KMT2C: variants seen among roughly 807,000 people sequenced by gnomAD.
The protein encoded by KMT2C is histone-lysine N-methyltransferase 2C.
Under a neutral mutation model 507.9 loss-of-function variants are expected in KMT2C, and 88 were observed. The observed-to-expected ratio is 0.17, with a 90% CI of 0.15 to 0.21. The LOEUF (loss-of-function observed/expected upper bound fraction) is 0.21, where lower values mean the gene tolerates loss of function less well. KMT2C is among the 10% of genes least tolerant of loss of function. The probability of loss-of-function intolerance (pLI) is 1.00; values close to 1 mark genes in which losing one functional copy is unlikely to be tolerated. For missense variants in KMT2C, 4,954 were observed against 5,957.8 expected (o/e 0.83, Z 5.55); for synonymous variants, 2,049 against 2,080.8 (o/e 0.98, Z 0.42).
chr7:152,340,189 T>C (rs1187037171), intron 2 of KMT2C, among the ~76,000 whole-genome samples: 3 of 150,292 alleles, frequency 2.0e-5, no homozygotes, highest in Non-Finnish European at 4.4e-5. Flanking sequence ...GGATTAACTA[T>C]GTTGCCCAGG....
intron 14 of KMT2C, among the ~76,000 whole-genome samples, chr7:152,242,998 G>C (rs1330986439): frequency 6.6e-6 from 1 of 152,176 alleles, no homozygotes; most frequent in African/African-American, 2.4e-5. Context: ...ACTGGTAAAA[G>C]AAACAAAAGA....
intron 1 of KMT2C, chr7:152,368,328 G>A: frequency 1.7e-6 from 2 of 1,201,622 alleles, no homozygotes; most frequent in South Asian, 1.3e-5. Flanking sequence ...ATAACAACAA[G>A]AATAAAGGGC....
chr7:152,301,642 G>A (rs2096569894), intron 6 of KMT2C, among the ~76,000 whole-genome samples: 3 of 152,120 alleles, frequency 2.0e-5, no homozygotes, highest in South Asian at 2.1e-4. Context: ...AGCCATGATC[G>A]TGCCACTGCA....
In KMT2C at chr7:152,308,601, G is replaced by T. The variant is rs1213655157; in HGVS notation, c.849+1365C>A. Among the ~76,000 whole-genome samples, 10 of 145,454 alleles carry T rather than the reference G, an allele frequency of 6.9e-5. No individual in the cohort carries two copies. In the East Asian group the frequency reaches 2.1e-3, roughly 30 times the overall value. ...GAGGCGGCAGAATCACTTGAACCCA[G>T]GAAGCAGAGGTTGCAGTGAGCTGAG... On this transcript the variant is annotated intron_variant, in intron 6 of 58. Coordinates refer to ENST00000262189, the MANE Select transcript of KMT2C (RefSeq NM_170606.3).
intron 18 of KMT2C, among the ~76,000 whole-genome samples, 170 bp downstream of exon 18, chr7:152,229,753 C>G (rs1424382296): frequency 1.3e-5 from 2 of 151,916 alleles, no homozygotes; most frequent in African/African-American, 4.8e-5. Flanking sequence ...TATAGAGGAG[C>G]AAATTTCTTG....
intron 52 of KMT2C, 129 bp from the exon 53 acceptor site, chr7:152,146,864 A>G (rs1022047732): frequency 1.2e-6 from 1 of 855,796 alleles, no homozygotes; most frequent in East Asian, 2.7e-5. Context: ...CAATAATCTA[A>G]TAAATCTGTT....
intron 24 of KMT2C, among the ~76,000 whole-genome samples, chr7:152,206,987 A>T (rs540460884): frequency 9.3e-4 from 141 of 152,332 alleles, no homozygotes; most frequent in Non-Finnish European, 1.7e-3. Context: ...ATCCAGAGGA[A>T]CTATATAAAT....
intron 42 of KMT2C, among the ~76,000 whole-genome samples, chr7:152,166,241 C>T (rs2092722543): frequency 6.6e-6 from 1 of 151,782 alleles, no homozygotes. Flanking sequence ...CCTGCCTCAG[C>T]CTCCCAAATA....
In KMT2C at chr7:152,148,337, A is replaced by C; in HGVS notation, c.13590T>G (p.Asp4530Glu). 6.2e-7 allele frequency: 1 copy of C among 1,614,262 alleles called. No individual in the cohort carries two copies. The highest frequency in any genetic ancestry group is 8.5e-7 in the Non-Finnish European group (1 of 1,180,054). The change falls in exon 52 of 59, where the codon GAT (aspartate) becomes GAG (glutamate). Residue 4530 changes from aspartate (D) to glutamate (E), a missense_variant. Asp to Glu is a conservative substitution (Grantham distance 45). Coordinates refer to ENST00000262189, the MANE Select transcript of KMT2C (RefSeq NM_170606.3). This position sits in a 1 kb window ranked among gnomAD's most constrained non-coding sequence, Gnocchi z 7.1. Reference sequence around the variant, plus strand: ...CGATGCTAGCAATCTGTCGCACCTCATCACGCTGAACATAGACCCTCCTGA... The same window carrying C: ...CGATGCTAGCAATCTGTCGCACCTCCTCACGCTGAACATAGACCCTCCTGA... ...AVFRRVYVQR[D>E]EVRQIASIVQ...
At chr7:152,422,024 T>C (rs1266170995) in intron 1 of KMT2C, among the ~76,000 whole-genome samples, 1 of 152,138 alleles carries the variant, frequency 6.6e-6, no homozygotes, top group Non-Finnish European at 1.5e-5. Context: ...AATGAAAAGA[T>C]TACAAAAGTT....
At chr7:152,255,235 T>C (rs2095641768) in intron 9 of KMT2C, among the ~76,000 whole-genome samples, 1 of 149,514 alleles carries the variant, frequency 6.7e-6, no homozygotes, top group African/African-American at 2.5e-5. Flanking sequence ...AGCATGATCA[T>C]GGCTCACTGC....
intron 1 of KMT2C, among the ~76,000 whole-genome samples, chr7:152,383,588 A>G (rs2097394008): frequency 1.3e-5 from 2 of 152,262 alleles, no homozygotes; most frequent in South Asian, 4.1e-4. Context: ...CACAGAGCAT[A>G]CACTTAGATA....
chr7:152,307,195 G>GAGGAAGGGAGGAAGGA, intron 6 of KMT2C, among the ~76,000 whole-genome samples: 1 of 64,882 alleles, frequency 1.5e-5, no homozygotes, highest in Non-Finnish European at 3.1e-5. Context: ...AAAGAAGAGG[G>GAGGAAGGGAGGAAGGA]AGGAAGGAAG....
At chr7:152,143,934 C>T (rs1009618418) in intron 55 of KMT2C, among the ~76,000 whole-genome samples, 10 of 152,176 alleles carry the variant, frequency 6.6e-5, no homozygotes, top group Non-Finnish European at 1.3e-4. Context: ...GTGGTACAGG[C>T]AAGTGATATG....
chr7:152,423,968 AAT>A (rs969515535), intron 1 of KMT2C, among the ~76,000 whole-genome samples: 3 of 152,234 alleles, frequency 2.0e-5, no homozygotes, highest in Non-Finnish European at 4.4e-5. Context: ...TCCATTTTTA[AAT>A]ACTATTTAAA....
intron 9 of KMT2C, among the ~76,000 whole-genome samples, chr7:152,256,819 GC>G (rs2095669314): frequency 1.3e-5 from 2 of 152,014 alleles, no homozygotes; most frequent in African/African-American, 2.4e-5. Flanking sequence ...ACCACTTTTC[GC>G]CCAGAAGACA....
At chr7:152,206,053 C>T (rs546781363) in intron 24 of KMT2C, among the ~76,000 whole-genome samples, 9 of 152,260 alleles carry the variant, frequency 5.9e-5, no homozygotes, top group Middle Eastern at 6.8e-3. Flanking sequence ...ATTCTGCTTA[C>T]TAAATACTTC....
intron 6 of KMT2C, among the ~76,000 whole-genome samples, chr7:152,287,761 C>T (rs957766578): frequency 2.6e-5 from 4 of 152,090 alleles, no homozygotes; most frequent in South Asian, 2.1e-4. Context: ...CAGTGGCTCA[C>T]GCCTGCAATC....
intron 6 of KMT2C, among the ~76,000 whole-genome samples, chr7:152,275,466 T>C (rs2096065163): frequency 6.6e-6 from 1 of 152,158 alleles, no homozygotes; most frequent in Non-Finnish European, 1.5e-5. Flanking sequence ...AGCTTCTAAA[T>C]AACTCATAAA....
Sources: allele counts gnomAD v4.1 joint callset (sites outside exome capture counted in the v4.1 genomes callset), GRCh38; gene constraint gnomAD v4.1.1; non-coding constraint Gnocchi (gnomAD v3.1); transcripts MANE v1.5; gene names NCBI Gene and HGNC (gene_info 2026-07-23, HGNC 2026-07-21).